CSMD1: variants seen among roughly 807,000 people sequenced by gnomAD.
CSMD1 encodes the protein CUB and sushi domain-containing protein 1.
In CSMD1, 213 loss-of-function variants were observed where a neutral mutation model predicts 417.5. That is an observed-to-expected ratio of 0.51 (90% CI 0.46 to 0.57). CSMD1 has a LOEUF of 0.57. Ranked by LOEUF, CSMD1 falls within the 20% of genes least tolerant of loss-of-function variation. CSMD1 has a pLI of 0.00. For missense variants in CSMD1, 6,923 were observed against 4,529.7 expected, an observed-to-expected ratio of 1.53 and a Z score of -15.17; for synonymous variants, 2,862 against 1,736.8, an observed-to-expected ratio of 1.65 and a Z score of -16.11.
intron 26 of CSMD1, among the ~76,000 whole-genome samples, chr8:3,279,557 C>G (rs1045030748): frequency 2.0e-5 from 3 of 152,118 alleles, no homozygotes; most frequent in East Asian, 1.9e-4. Flanking sequence ...AGTTTCTTGC[C>G]TAAGGTTGGG....
At chr8:4,194,344 A>G (rs1799208588) in intron 3 of CSMD1, among the ~76,000 whole-genome samples, 1 of 152,188 alleles carries the variant, frequency 6.6e-6, no homozygotes. Context: ...GGAGAAAACC[A>G]CAGACCTAAT....
chr8:3,625,624 T>TA (rs1796454975), intron 7 of CSMD1, among the ~76,000 whole-genome samples: 1 of 152,170 alleles, frequency 6.6e-6, no homozygotes, highest in African/African-American at 2.4e-5. Flanking sequence ...CTTCTAATGC[T>TA]ATGTCCTAAA....
intron 10 of CSMD1, among the ~76,000 whole-genome samples, chr8:3,515,979 G>A (rs950346088): frequency 2.6e-5 from 4 of 152,156 alleles, no homozygotes; most frequent in African/African-American, 9.7e-5. Context: ...GCCAGTCAAT[G>A]TTCTAAAGGT....
In CSMD1 at chr8:4,308,437, G is replaced by GA. The variant is rs553485940; in HGVS notation, c.415+111515dup. On this transcript the variant is annotated intron_variant, in intron 3 of 69. Coordinates refer to ENST00000635120, the MANE Select transcript of CSMD1 (RefSeq NM_033225.6). ...TGTTATGTGGAAAGTCTGATGATGG[G>GA]AAAAAAGGTTTAGAAAAGGATGTGA... 7.2e-5 allele frequency among the ~76,000 whole-genome samples: 11 copies of GA among 152,088 alleles called. No individual in the cohort carries two copies. In the East Asian group the frequency reaches 2.1e-3, roughly 29 times the overall value.
At chr8:4,472,044 C>T (rs1270280166) in intron 2 of CSMD1, among the ~76,000 whole-genome samples, 1 of 152,150 alleles carries the variant, frequency 6.6e-6, no homozygotes, top group Non-Finnish European at 1.5e-5. Flanking sequence ...ATAATTGGAA[C>T]TCAGATTTAA....
At chr8:3,321,997 C>A (rs1485221922) in intron 23 of CSMD1, among the ~76,000 whole-genome samples, 4 of 152,156 alleles carry the variant, frequency 2.6e-5, no homozygotes, top group Non-Finnish European at 5.9e-5. Flanking sequence ...GAGGGAATTC[C>A]ATCAGCTTTC....
In CSMD1 at chr8:3,692,587, C is replaced by A. The variant is rs180874811; in HGVS notation, c.1009+15827G>T. 2.6e-5 allele frequency among the ~76,000 whole-genome samples: 4 copies of A among 152,166 alleles called. No individual in the cohort carries two copies. In the East Asian group the frequency reaches 7.7e-4, roughly 29 times the overall value. On this transcript the variant is annotated intron_variant, in intron 7 of 69. Transcript: ENST00000635120. ...GCATCTGGGATAACAGGCATGTCACCACACACAGCTAATTTTTGTATTTTT... is the reference window on the plus strand; with the variant it reads ...GCATCTGGGATAACAGGCATGTCACAACACACAGCTAATTTTTGTATTTTT...
chr8:4,151,697 C>T, intron 3 of CSMD1, among the ~76,000 whole-genome samples: 1 of 152,290 alleles, frequency 6.6e-6, no homozygotes, highest in Middle Eastern at 3.4e-3. Context: ...CAACTGATTT[C>T]CTCAAGCTCA....
intron 3 of CSMD1, among the ~76,000 whole-genome samples, chr8:4,360,831 A>C (rs1801715682): frequency 6.6e-6 from 1 of 151,780 alleles, no homozygotes; most frequent in Non-Finnish European, 1.5e-5. Context: ...TGACACAATT[A>C]ATCACGGAGC....
chr8:4,242,403 C>G (rs750396415), intron 3 of CSMD1, among the ~76,000 whole-genome samples: 2 of 152,054 alleles, frequency 1.3e-5, no homozygotes. Flanking sequence ...CCCCACCCAG[C>G]AAATGAGAAA....
At chr8:3,251,398 G>A (rs1029805579) in intron 26 of CSMD1, among the ~76,000 whole-genome samples, 6 of 152,046 alleles carry the variant, frequency 3.9e-5, no homozygotes, top group Non-Finnish European at 8.8e-5. Context: ...ATTTCTGAGG[G>A]CTCTGTTCTG....
chr8:4,511,925 A>C (rs1429914948), intron 2 of CSMD1, among the ~76,000 whole-genome samples: 1 of 152,126 alleles, frequency 6.6e-6, no homozygotes, highest in Admixed American at 6.6e-5. Context: ...AGAGCATTTC[A>C]TTCTTCCTAA....
chr8:3,565,219 T>TAGATAGACAGACAGAC lies in CSMD1; in HGVS notation c.1344+9725_1344+9726insGTCTGTCTGTCTATCT, dbSNP rs1225194732. On this transcript the variant is annotated intron_variant, in intron 10 of 69. Coordinates refer to ENST00000635120, the MANE Select transcript of CSMD1 (RefSeq NM_033225.6). ...ATAGACAGATAGATAGATAGAGAGA[T>TAGATAGACAGACAGAC]AGACAGATAGATAGATTAATGATGA... Among the ~76,000 whole-genome samples the TAGATAGACAGACAGAC allele has an allele frequency of 1.1e-3, 154 of 138,826 alleles. 4 individuals are homozygous for TAGATAGACAGACAGAC. Among genetic ancestry groups the TAGATAGACAGACAGAC allele is most frequent in the Non-Finnish European group, 2.0e-3 (133 of 65,546 alleles). 91.1% of individuals were successfully genotyped at this position (138,826 alleles called of 152,430 possible). A position where few individuals can be genotyped will look rare whatever the true frequency, so the allele number is the denominator to read the frequency against.
intron 3 of CSMD1, among the ~76,000 whole-genome samples, chr8:4,260,299 A>G (rs1414886856): frequency 7.9e-5 from 12 of 152,082 alleles, no homozygotes; most frequent in South Asian, 6.2e-4. Context: ...TTGAACATCA[A>G]TTTCCTCTTT....
chr8:4,460,375 TA>T (rs1799740262), intron 2 of CSMD1, among the ~76,000 whole-genome samples: 1 of 152,064 alleles, frequency 6.6e-6, no homozygotes, highest in Non-Finnish European at 1.5e-5. Flanking sequence ...TAACTATATT[TA>T]AAAAGAAAAA....
At chr8:4,227,493 G>A (rs956133084) in intron 3 of CSMD1, among the ~76,000 whole-genome samples, 1 of 152,078 alleles carries the variant, frequency 6.6e-6, no homozygotes, top group African/African-American at 2.4e-5. Flanking sequence ...GTGCCCTTGA[G>A]GCTGGAGGAG....
chr8:4,809,428 A>T (rs1362557656), intron 1 of CSMD1, among the ~76,000 whole-genome samples: 1 of 152,186 alleles, frequency 6.6e-6, no homozygotes, highest in Admixed American at 6.5e-5. Context: ...ATTTCCAAAC[A>T]TTACCTGCAA....
chr8:3,058,725 G>GCGTGGTCT (rs1315725909), intron 49 of CSMD1, among the ~76,000 whole-genome samples: 1 of 151,946 alleles, frequency 6.6e-6, no homozygotes, highest in Non-Finnish European at 1.5e-5. Flanking sequence ...CTAACAGGCT[G>GCGTGGTCT]CGTGGTCTCG....
intron 3 of CSMD1, among the ~76,000 whole-genome samples, chr8:4,271,954 A>G (rs1387350136): frequency 6.6e-6 from 1 of 152,166 alleles, no homozygotes; most frequent in Non-Finnish European, 1.5e-5. Context: ...GATCTCATGT[A>G]TGGGCAAAGT....
Sources: gnomAD v4.1 joint callset for allele counts (sites outside exome capture counted in the v4.1 genomes callset) on GRCh38, gnomAD v4.1.1 for gene constraint, MANE v1.5 for transcripts, NCBI Gene and HGNC (gene_info 2026-07-23, HGNC 2026-07-21) for gene names.